ATXN10: variants seen among roughly 807,000 people sequenced by gnomAD.
The protein encoded by ATXN10 is ataxin-10.
Under a neutral mutation model 52.9 loss-of-function variants are expected in ATXN10, and 28 were observed. The ratio of observed to expected loss-of-function variants is 0.53; its 90% confidence interval spans 0.39 to 0.73. The LOEUF (loss-of-function observed/expected upper bound fraction) is 0.73, where lower values mean the gene tolerates loss of function less well. ATXN10 is among the 30% of genes least tolerant of loss of function. The pLI, the probability that ATXN10 is intolerant of heterozygous loss-of-function variation, is 0.00. For synonymous variants in ATXN10, 226 were observed against 221.5 expected, an observed-to-expected ratio of 1.02 and a Z score of -0.18; for missense variants, 565 against 577.0, an observed-to-expected ratio of 0.98 and a Z score of 0.21.
rs113568565 is a variant in ATXN10, at chr22:45,713,786, A to G, written c.648-4627A>G. Reference sequence around the variant, plus strand: ...TGTTGGGCTTTTTGCTTTTTTCACTAAATAGTACATTTCTGAGATCTTTCC... The same window carrying G: ...TGTTGGGCTTTTTGCTTTTTTCACTGAATAGTACATTTCTGAGATCTTTCC... On this transcript the variant is annotated intron_variant, in intron 5 of 11. Coordinates refer to ENST00000252934, the MANE Select transcript of ATXN10 (RefSeq NM_013236.4). Among the ~76,000 whole-genome samples the G allele has an allele frequency of 2.4e-3, 364 of 152,276 alleles. 1 individual carries two copies. Among genetic ancestry groups the G allele is most frequent in the African/African-American group, 8.4e-3 (348 of 41,540 alleles).
chr22:45,735,481 A>G (rs1714682418), intron 7 of ATXN10, among the ~76,000 whole-genome samples: 1 of 151,498 alleles, frequency 6.6e-6, no homozygotes, highest in Non-Finnish European at 1.5e-5. Flanking sequence ...ATTGGAGGGA[A>G]CCAGTAAGAT....
chr22:45,765,701 GGTT>G (rs1209688961), intron 9 of ATXN10, among the ~76,000 whole-genome samples: 2 of 152,078 alleles, frequency 1.3e-5, no homozygotes, highest in Non-Finnish European at 1.5e-5. Flanking sequence ...TCAAAATATT[GGTT>G]GTTCTCATGA....
At chr22:45,743,170 G>A (rs1925601994) in intron 9 of ATXN10, among the ~76,000 whole-genome samples, 2 of 152,224 alleles carry the variant, frequency 1.3e-5, no homozygotes, top group African/African-American at 4.8e-5. Flanking sequence ...TAATAGCACT[G>A]CTGATTTCTC....
At chr22:45,751,763 A>AAAAAAATAAT in intron 9 of ATXN10, among the ~76,000 whole-genome samples, 4 of 66,614 alleles carry the variant, frequency 6.0e-5, no homozygotes, top group Non-Finnish European at 1.2e-4. Context: ...AATAAAAAAA[A>AAAAAAATAAT]AATAATAATA....
At position 45,795,848 on chromosome 22, in the gene ATXN10, C is replaced by A. The variant is rs1312757343; in HGVS notation, c.1174-11111C>A. Reference sequence around the variant, plus strand: ...GTCTTTAATATCTTAATCTCGTCATCTTCATAAGCTGAGGATGTATGTCAC... The same window carrying A: ...GTCTTTAATATCTTAATCTCGTCATATTCATAAGCTGAGGATGTATGTCAC... On this transcript the variant is annotated intron_variant, in intron 9 of 11. Transcript: ENST00000252934. This position sits in a 1 kb window ranked among gnomAD's most constrained non-coding sequence, Gnocchi z 4.6. Among the ~76,000 whole-genome samples, 4 of 152,216 alleles carry A rather than the reference C, an allele frequency of 2.6e-5. No homozygotes were observed. Among genetic ancestry groups the A allele is most frequent in the Non-Finnish European group, 5.9e-5 (4 of 68,040 alleles).
At chr22:45,740,291 T>G (rs1925458410) in intron 8 of ATXN10, 78 bp from the exon 9 acceptor site, 2 of 1,390,466 alleles carry the variant, frequency 1.4e-6, no homozygotes, top group Non-Finnish European at 2.0e-6. Flanking sequence ...AAATTAGATT[T>G]GTCTATGGAA....
intron 9 of ATXN10, among the ~76,000 whole-genome samples, chr22:45,797,410 C>CT (rs1244426350): frequency 1.3e-5 from 2 of 152,178 alleles, no homozygotes; most frequent in Non-Finnish European, 2.9e-5. Flanking sequence ...TAAAATATCT[C>CT]TAATATCCCA....
At position 45,795,101 on chromosome 22, in the gene ATXN10, C is replaced by T. The variant is rs137962282; in HGVS notation, c.1174-11858C>T. Among the ~76,000 whole-genome samples the T allele has an allele frequency of 1.4e-3, 216 of 152,076 alleles. 1 individual carries two copies. Among genetic ancestry groups the T allele is most frequent in the African/African-American group, 4.3e-3 (178 of 41,468 alleles). On this transcript the variant is annotated intron_variant, in intron 9 of 11. Coordinates refer to ENST00000252934, the MANE Select transcript of ATXN10 (RefSeq NM_013236.4). The surrounding 1 kb of genome is among the most constrained non-coding windows in gnomAD (Gnocchi z 4.6). ...TATGGTATTATTTGTAGATAGACTG[C>T]AACAAGGTAAAGATGTATACTCTAA...
At chr22:45,755,827 A>G (rs1250033783) in intron 9 of ATXN10, among the ~76,000 whole-genome samples, 2 of 152,188 alleles carry the variant, frequency 1.3e-5, no homozygotes, top group African/African-American at 4.8e-5. Context: ...GTTCATCCTC[A>G]TGATATTTCC....
rs1927136987 is a variant in ATXN10, at chr22:45,781,180, A to T, written c.1174-25779A>T. On this transcript the variant is annotated intron_variant, in intron 9 of 11. Coordinates refer to ENST00000252934, the MANE Select transcript of ATXN10 (RefSeq NM_013236.4). This position sits in a 1 kb window ranked among gnomAD's most constrained non-coding sequence, Gnocchi z 4.2. Reference sequence around the variant, plus strand: ...GCCCACCAACAATGGCTGAATGGGGAGCCGAAACAGAAACCTTCCCCTGGT... The same window carrying T: ...GCCCACCAACAATGGCTGAATGGGGTGCCGAAACAGAAACCTTCCCCTGGT... 6.6e-6 allele frequency among the ~76,000 whole-genome samples: 1 copy of T among 152,158 alleles called. No homozygotes were observed. Among genetic ancestry groups the T allele is most frequent in the African/African-American group, 2.4e-5 (1 of 41,438 alleles).
intron 5 of ATXN10, among the ~76,000 whole-genome samples, chr22:45,711,449 C>T (rs893882997): frequency 3.3e-5 from 5 of 152,102 alleles, no homozygotes; most frequent in Non-Finnish European, 7.4e-5. Flanking sequence ...GAGAGGGGAT[C>T]TGTGACCCTG....
In ATXN10 at chr22:45,790,931, T is replaced by C. The variant is rs1381650747; in HGVS notation, c.1174-16028T>C. Among the ~76,000 whole-genome samples, 1 of 152,224 alleles carries C rather than the reference T, an allele frequency of 6.6e-6. No individual in the cohort carries two copies. Among genetic ancestry groups the C allele is most frequent in the Non-Finnish European group, 1.5e-5 (1 of 68,036 alleles). On this transcript the variant is annotated intron_variant, in intron 9 of 11. Coordinates refer to ENST00000252934, the MANE Select transcript of ATXN10 (RefSeq NM_013236.4). The surrounding 1 kb of genome is among the most constrained non-coding windows in gnomAD (Gnocchi z 4.7). The stretch of plus-strand genomic sequence containing the variant: ...GTGCAGTGGCACAGACATAGCTTAC[T>C]GTACTCTCGAACTCCTGGGCTCAAC...
intron 9 of ATXN10, among the ~76,000 whole-genome samples, chr22:45,777,935 T>C (rs1927016689): frequency 6.6e-6 from 1 of 152,240 alleles, no homozygotes; most frequent in Non-Finnish European, 1.5e-5. Context: ...TATGAGGATT[T>C]AATGTAGGGG....
chr22:45,817,497 G>A (rs2009953828), intron 10 of ATXN10, among the ~76,000 whole-genome samples: 1 of 151,958 alleles, frequency 6.6e-6, no homozygotes, highest in Non-Finnish European at 1.5e-5. Flanking sequence ...GCTAATTTTT[G>A]TATTTTCAGT....
At chr22:45,714,860 A>T (rs1601602900) in intron 5 of ATXN10, among the ~76,000 whole-genome samples, 1 of 152,198 alleles carries the variant, frequency 6.6e-6, no homozygotes, top group East Asian at 1.9e-4. Flanking sequence ...CTTGGAATTT[A>T]TGTTGGTTTA....
At position 45,732,313 on chromosome 22, in the gene ATXN10, G is replaced by T. The variant is rs543115577; in HGVS notation, c.894+2723G>T. Reference sequence around the variant, plus strand: ...TACAAAAAAAAAACACAAAGAATTAGCTGGGTGTGGTGGTGTGTGCCTGTG... The same window carrying T: ...TACAAAAAAAAAACACAAAGAATTATCTGGGTGTGGTGGTGTGTGCCTGTG... On this transcript the variant is annotated intron_variant, in intron 7 of 11. Transcript: ENST00000252934. The surrounding 1 kb of genome is among the most constrained non-coding windows in gnomAD (Gnocchi z 4.5). 1.6e-4 allele frequency among the ~76,000 whole-genome samples: 25 copies of T among 152,040 alleles called. No homozygotes were observed. The highest frequency in any genetic ancestry group is 5.5e-4 in the African/African-American group (23 of 41,512).
intron 9 of ATXN10, among the ~76,000 whole-genome samples, chr22:45,742,120 A>G (rs1355283963): frequency 6.6e-6 from 1 of 152,088 alleles, no homozygotes; most frequent in Non-Finnish European, 1.5e-5. Flanking sequence ...TTGAGATTTG[A>G]GCTCCCACCC....
At chr22:45,831,229 C>A (rs1337832508) in intron 10 of ATXN10, among the ~76,000 whole-genome samples, 2 of 152,110 alleles carry the variant, frequency 1.3e-5, no homozygotes, top group Admixed American at 6.5e-5. Flanking sequence ...TTAATGGGGA[C>A]TGAGTTTCAG....
In ATXN10 at chr22:45,677,489, A is replaced by T. The variant is rs1372605961; in HGVS notation, c.116+5310A>T. 6.6e-6 allele frequency: 1 copy of T among 150,490 alleles called. No homozygotes were observed. The highest frequency in any genetic ancestry group is 2.5e-5 in the African/African-American group (1 of 40,650). 9.3% of individuals were successfully genotyped at this position (150,490 alleles called of 1,614,324 possible). A position where few individuals can be genotyped will look rare whatever the true frequency, so the allele number is the denominator to read the frequency against. On this transcript the variant is annotated intron_variant, in intron 1 of 11. Transcript: ENST00000252934. This position sits in a 1 kb window ranked among gnomAD's most constrained non-coding sequence, Gnocchi z 4.1. ...TTCGTTGGTGTTTAATTTAAAAATT[A>T]AAAAAAAATTCAGGCCAAAAGGTCT...
Sources: gnomAD v4.1 joint callset for allele counts (sites outside exome capture counted in the v4.1 genomes callset) on GRCh38, gnomAD v4.1.1 for gene constraint, Gnocchi (gnomAD v3.1) non-coding constraint, MANE v1.5 for transcripts, NCBI Gene and HGNC (gene_info 2026-07-23, HGNC 2026-07-21) for gene names.